Variants in DDX10 observed in about 807,000 individuals in gnomAD.
The protein encoded by DDX10 is probable ATP-dependent RNA helicase DDX10.
Under a neutral mutation model 104.3 loss-of-function variants are expected in DDX10, and 74 were observed. The ratio of observed to expected loss-of-function variants is 0.71; its 90% CI spans 0.59 to 0.86. The LOEUF is 0.86. Among genes scored for constraint, DDX10 ranks in the 40% least tolerant of loss-of-function variants. The pLI is 0.00. For synonymous variants in DDX10, 351 were observed against 353.4 expected (o/e 0.99, Z 0.08); for missense variants, 952 against 1,040.0 (o/e 0.92, Z 1.16).
At chr11:108,803,598 A>AAAAAAAAAAAAAAAAG (rs1555027136) in intron 13 of DDX10, among the ~76,000 whole-genome samples, 1 of 138,652 alleles carries the variant, frequency 7.2e-6, no homozygotes, top group African/African-American at 2.7e-5. Flanking sequence ...AAAAAAAAAA[A>AAAAAAAAAAAAAAAAG]AAAAGAAAAA....
intron 13 of DDX10, among the ~76,000 whole-genome samples, chr11:108,747,021 A>G (rs2094332660): frequency 2.0e-5 from 3 of 152,142 alleles, no homozygotes; most frequent in South Asian, 4.1e-4. Context: ...AAACAAAGAA[A>G]GGCTTGCAGA....
Position 108,692,149 on chromosome 11 carries a change from T to C in DDX10, c.1138+111T>C, listed in dbSNP as rs560321344. On this transcript the variant is annotated intron_variant, in intron 8 of 17. Coordinates refer to ENST00000322536, the MANE Select transcript of DDX10 (RefSeq NM_004398.4). Reference sequence around the variant, plus strand: ...TCAAACACTTGGGTTTCTTTTCTTATTTTGTAAGAGAAAAGTAAGTAGTAA... The same window carrying C: ...TCAAACACTTGGGTTTCTTTTCTTACTTTGTAAGAGAAAAGTAAGTAGTAA... The C allele has an allele frequency of 2.0e-4, 204 of 1,012,270 alleles. 3 individuals carry two copies. In the South Asian group the frequency reaches 3.9e-3, roughly 19 times the overall value. The allele number at this position is 1,012,270 out of a possible 1,614,324, so 62.7% of individuals were successfully genotyped here.
At chr11:108,905,373 G>A (rs1863581953) in intron 16 of DDX10, among the ~76,000 whole-genome samples, 1 of 24,522 alleles carries the variant, frequency 4.1e-5, no homozygotes, top group Admixed American at 7.6e-4. Context: ...CTCTATATAT[G>A]TTTTTTATAG....
intron 13 of DDX10, among the ~76,000 whole-genome samples, chr11:108,817,583 T>G (rs904974914): frequency 6.6e-6 from 1 of 152,214 alleles, no homozygotes; most frequent in African/African-American, 2.4e-5. Context: ...GTCTCCTCAC[T>G]AGAATGCAAA....
Position 108,706,827 on chromosome 11 carries a change from A to G in DDX10, c.1312A>G (p.Lys438Glu). 6.2e-7 allele frequency: 1 copy of G among 1,613,462 alleles called. No homozygotes were observed. Among genetic ancestry groups the G allele is most frequent in the Non-Finnish European group, 8.5e-7 (1 of 1,179,404 alleles). ...QQLLQKKVPV[K>E]EIKINPEKLI... ...GCTTCTTCAGAAGAAAGTACCTGTG[A>G]AGGAAATCAAGTAAGAGCTACTTGT... Residue 438 changes from lysine (K) to glutamate (E), a missense_variant, in exon 10 of 18, where the codon AAG becomes GAG. By Grantham distance (56) the Lys-to-Glu change is moderately conservative. This residue lies in a region of DDX10 where 533 missense variants were observed against 534.1 expected (regional missense o/e 1.00). Coordinates refer to ENST00000322536, the MANE Select transcript of DDX10 (RefSeq NM_004398.4).
At chr11:108,731,060 T>C (rs556845438) in intron 13 of DDX10, among the ~76,000 whole-genome samples, 6 of 152,054 alleles carry the variant, frequency 3.9e-5, no homozygotes, top group East Asian at 3.9e-4. Flanking sequence ...CGTTTCTTTT[T>C]TTTTTTTTTG....
intron 15 of DDX10, among the ~76,000 whole-genome samples, chr11:108,851,075 A>C (rs1005056212): frequency 2.6e-5 from 4 of 152,176 alleles, no homozygotes; most frequent in Non-Finnish European, 1.5e-5. Context: ...TGAAAGTACA[A>C]TTTTATTCCT....
chr11:108,897,969 G>A (rs546994590), intron 16 of DDX10, among the ~76,000 whole-genome samples: 6 of 152,128 alleles, frequency 3.9e-5, no homozygotes, highest in South Asian at 2.1e-4. Context: ...AAATTTTACC[G>A]TATAAGCAAA....
At chr11:108,796,587 A>T (rs946328238) in intron 13 of DDX10, among the ~76,000 whole-genome samples, 2 of 152,314 alleles carry the variant, frequency 1.3e-5, no homozygotes, top group East Asian at 3.9e-4. Context: ...CTGTCTTTAT[A>T]ATGTTGTATA....
intron 1 of DDX10, among the ~76,000 whole-genome samples, chr11:108,670,921 A>G (rs114958099): frequency 6.6e-6 from 1 of 152,100 alleles, no homozygotes; most frequent in African/African-American, 2.4e-5. Flanking sequence ...GGCATTATTC[A>G]CTTTAGCGAG....
chr11:108,880,606 A>T (rs970632772), intron 16 of DDX10, among the ~76,000 whole-genome samples: 1 of 152,218 alleles, frequency 6.6e-6, no homozygotes, highest in Non-Finnish European at 1.5e-5. Context: ...CTGGGTATTG[A>T]AAAAAATTGT....
At chr11:108,892,728 A>T (rs1863392632) in intron 16 of DDX10, among the ~76,000 whole-genome samples, 2 of 152,210 alleles carry the variant, frequency 1.3e-5, no homozygotes, top group Admixed American at 1.3e-4. Flanking sequence ...TCAGATAACA[A>T]GTACAATTAT....
chr11:108,862,602 C>G (rs1862955631), intron 16 of DDX10, among the ~76,000 whole-genome samples: 1 of 152,174 alleles, frequency 6.6e-6, no homozygotes, highest in Non-Finnish European at 1.5e-5. Flanking sequence ...ACAATTTCCT[C>G]TAAATGAGAA....
intron 17 of DDX10, among the ~76,000 whole-genome samples, chr11:108,938,678 T>G (rs1460048631): frequency 6.6e-6 from 1 of 152,202 alleles, no homozygotes; most frequent in Non-Finnish European, 1.5e-5. Context: ...AGGCACTCTT[T>G]TAAAATGCAG....
chr11:108,850,187 C>T (rs558749475), intron 15 of DDX10, among the ~76,000 whole-genome samples: 4 of 151,916 alleles, frequency 2.6e-5, no homozygotes, highest in African/African-American at 7.3e-5. Context: ...GTCTCTTGTC[C>T]GTCTGAAAAT....
intron 13 of DDX10, among the ~76,000 whole-genome samples, chr11:108,818,580 G>C (rs1565288311): frequency 1.3e-5 from 2 of 152,176 alleles, no homozygotes; most frequent in Admixed American, 6.5e-5. Context: ...TTCAAAATTA[G>C]TTGAAGAAAA....
At chr11:108,879,161 C>T (rs1398592617) in intron 16 of DDX10, among the ~76,000 whole-genome samples, 1 of 152,070 alleles carries the variant, frequency 6.6e-6, no homozygotes, top group Non-Finnish European at 1.5e-5. Context: ...GCCACCACAC[C>T]CGGCTAATTT....
In DDX10 at chr11:108,679,560, G is replaced by A. The variant is rs1253767750; in HGVS notation, c.848G>A (p.Ser283Asn). The change falls in exon 6 of 18, where the codon AGC (serine) becomes AAC (asparagine). Residue 283 changes from serine to asparagine, a missense_variant and splice_region_variant. Around this residue, in one of 3 missense-constraint regions of DDX10, gnomAD observed 412 missense variants for 479.2 expected, o/e 0.86. Coordinates refer to ENST00000322536, the MANE Select transcript of DDX10 (RefSeq NM_004398.4). ...TGGGTTCATGAAAAAGCAAAATATA[G>A]GTATGTACTCTTTGAGTCAATCAAG... ...YVWVHEKAKY[S>N]TPATLEQNYI... The A allele has an allele frequency of 5.7e-6, 9 of 1,574,718 alleles. No homozygotes were observed. Among genetic ancestry groups the A allele is most frequent in the Non-Finnish European group, 7.7e-6 (9 of 1,164,082 alleles).
At chr11:108,822,526 C>G (rs1862339352) in intron 13 of DDX10, 1 of 226,124 alleles carries the variant, frequency 4.4e-6, no homozygotes, top group Non-Finnish European at 8.8e-6. Context: ...AACGGCCTCA[C>G]CTGTCTCCTG....
Sources: allele counts gnomAD v4.1 joint callset (sites outside exome capture counted in the v4.1 genomes callset), GRCh38; gene constraint gnomAD v4.1.1; regional missense constraint gnomAD v4.1.1; transcripts MANE v1.5; gene names NCBI Gene and HGNC (gene_info 2026-07-23, HGNC 2026-07-21).